Variants in TMPRSS9 observed in about 807,000 individuals in gnomAD.
The protein encoded by TMPRSS9 is transmembrane protease serine 9.
Under a neutral mutation model 111.4 loss-of-function variants are expected in TMPRSS9, and 113 were observed. The ratio of observed to expected loss-of-function variants is 1.01; its 90% CI spans 0.87 to 1.19. The LOEUF is 1.19. Among genes scored for constraint, TMPRSS9 ranks in the 50% most tolerant of loss-of-function variants. TMPRSS9 has a pLI of 0.00. For synonymous variants in TMPRSS9, 805 were observed against 659.1 expected, an observed-to-expected ratio of 1.22 and a Z score of -3.39; for missense variants, 1,803 against 1,513.1, an observed-to-expected ratio of 1.19 and a Z score of -3.18.
At position 2,371,312 on chromosome 19, in the gene TMPRSS9, C is replaced by T. The variant is rs1029781961; in HGVS notation, c.-26+10952C>T. Among the ~76,000 whole-genome samples, 3 of 152,258 alleles carry T rather than the reference C, an allele frequency of 2.0e-5. No individual in the cohort carries two copies. The East Asian group carries it at 5.8e-4, about 29-fold the overall frequency. Reference sequence around the variant, plus strand: ...TCCTTGCCTAGTCCCTCCTTGGGGGCCCCCACACGGCTCCAGATGGTTCCT... The same window carrying T: ...TCCTTGCCTAGTCCCTCCTTGGGGGTCCCCACACGGCTCCAGATGGTTCCT... On this transcript the variant is annotated intron_variant, in intron 1 of 17. Coordinates refer to the TMPRSS9 transcript ENST00000649857.
At chr19:2,424,316 C>T in intron 15 of TMPRSS9, 59 bp downstream of exon 16, 1 of 1,290,484 alleles carries the variant, frequency 7.7e-7, no homozygotes, top group Non-Finnish European at 9.9e-7. Context: ...CGGAACCGAA[C>T]TGTTGCCCGA....
chr19:2,409,203 C>T (rs1971045462), intron 8 of TMPRSS9, among the ~76,000 whole-genome samples: 1 of 143,614 alleles, frequency 7.0e-6, no homozygotes, highest in African/African-American at 2.6e-5. Context: ...TGCAGTGGTG[C>T]GATCTCTGCT....
chr19:2,402,108 C>T (rs979983366), intron 5 of TMPRSS9, 92 bp downstream of exon 6: 34 of 1,300,748 alleles, frequency 2.6e-5, no homozygotes, highest in East Asian at 6.1e-5. Context: ...ATCCCTGGAA[C>T]GAGGCTGGGC....
At chr19:2,421,362 C>G (rs915718309) in intron 13 of TMPRSS9, among the ~76,000 whole-genome samples, 1 of 151,232 alleles carries the variant, frequency 6.6e-6, no homozygotes, top group East Asian at 2.0e-4. Context: ...GATCTCAGCT[C>G]ACTGCAAGCT....
Position 2,415,302 on chromosome 19 carries a change from G to A in TMPRSS9, c.1574-368G>A, listed in dbSNP as rs149673533. 2.8e-3 allele frequency among the ~76,000 whole-genome samples: 422 copies of A among 152,016 alleles called. 1 individual carries two copies. Among genetic ancestry groups the A allele is most frequent in the African/African-American group, 9.6e-3 (398 of 41,458 alleles). Reference sequence around the variant, plus strand: ...TCTGTTCCGAAACCCCCTAACAATCGTACCCTTCCTTTTCTCAGCCGCCCC... The same window carrying A: ...TCTGTTCCGAAACCCCCTAACAATCATACCCTTCCTTTTCTCAGCCGCCCC... On this transcript the variant is annotated intron_variant, in intron 10 of 17. Coordinates refer to ENST00000648592, the Ensembl canonical transcript of TMPRSS9.
At chr19:2,399,578 AAAAC>A (rs146554094) in intron 4 of TMPRSS9, among the ~76,000 whole-genome samples, 28,032 of 152,002 alleles carry the variant, frequency 0.18, 3,182 homozygotes, top group Admixed American at 0.32. Flanking sequence ...CTTCGTTTCA[AAAAC>A]AAACAAACAA....
intron 13 of TMPRSS9, among the ~76,000 whole-genome samples, chr19:2,421,116 G>A (rs952452025): frequency 4.6e-5 from 7 of 151,644 alleles, no homozygotes; most frequent in Non-Finnish European, 1.0e-4. Context: ...TGAGGCAGGA[G>A]AATCACTTGA....
rs138343458 is a variant in TMPRSS9, at chr19:2,401,839, C to T, written c.515-136C>T. 3.9e-3 allele frequency: 1,805 copies of T among 464,820 alleles called. 9 individuals are homozygous for T. The highest frequency in any genetic ancestry group is 7.0e-3 in the Admixed American group (211 of 30,098). The allele number at this position is 464,820 out of a possible 1,614,324, so 28.8% of individuals were successfully genotyped here. On this transcript the variant is annotated intron_variant, in intron 4 of 17. Coordinates refer to ENST00000648592, the Ensembl canonical transcript of TMPRSS9. ...GCCAGGCTGGTCTGTAACTCCTGAC[C>T]GCAAATGATCCACCCGCCTCAGCCT...
chr19:2,424,005 ATTCGTGGAGAGGCGGCGCCCAGGGGGGCC>A lies in TMPRSS9; in HGVS notation c.2549-74_2549-46del, dbSNP rs1387066942. ...CCTACTCCCTGGGGCTCCCAGGGGG[ATTCGTGGAGAGGCGGCGCCCAGGGGGGCC>A]TTCGTGGAGGAGGTGCCCTGGGTCC... On this transcript the variant is annotated intron_variant, in intron 14 of 17. Coordinates refer to ENST00000648592, the Ensembl canonical transcript of TMPRSS9. The A allele has an allele frequency of 2.6e-5, 32 of 1,231,982 alleles. 1 individual carries two copies. In the South Asian group the frequency reaches 9.2e-4, roughly 35 times the overall value. The allele number at this position is 1,231,982 out of a possible 1,614,324, so 76.3% of individuals were successfully genotyped here. A position where few individuals can be genotyped will look rare whatever the true frequency, so the allele number is the denominator to read the frequency against.
chr19:2,385,574 C>T (rs8112269), upstream of TMPRSS9, among the ~76,000 whole-genome samples: 44 of 151,898 alleles, frequency 2.9e-4, no homozygotes, highest in Admixed American at 9.8e-4. Flanking sequence ...TGATTATAAA[C>T]GGTCAGAGAG....
intron 1 of TMPRSS9, among the ~76,000 whole-genome samples, chr19:2,379,375 T>C (rs1481563807): frequency 6.6e-6 from 1 of 151,768 alleles, no homozygotes; most frequent in African/African-American, 2.4e-5. Flanking sequence ...TTAGTAGAGA[T>C]GGGGTTTCAC....
At position 2,413,681 on chromosome 19, in the gene TMPRSS9, G is replaced by A. The variant is rs778702174; in HGVS notation, c.1255-19G>A. 7 of 1,589,382 alleles carry A rather than the reference G, an allele frequency of 4.4e-6. No homozygotes were observed. In the Admixed American group the frequency reaches 8.4e-5, roughly 19 times the overall value. On this transcript the variant is annotated intron_variant, in intron 9 of 17. Coordinates refer to ENST00000648592, the Ensembl canonical transcript of TMPRSS9. ...TGGCTGCTGCCGACCCATCCTGAGG[G>A]TGTGTGTTGGTTTCCTAGGGTGACT...
At chr19:2,385,921 T>A (rs1051414201), upstream of TMPRSS9, among the ~76,000 whole-genome samples, 5 of 151,976 alleles carry the variant, frequency 3.3e-5, no homozygotes, top group African/African-American at 1.2e-4. Context: ...CAGAGCCAGA[T>A]CTGGTCTGCA....
intron 1 of TMPRSS9, among the ~76,000 whole-genome samples, chr19:2,362,174 GTGTCA>G (rs1355058413): frequency 1.3e-5 from 2 of 152,064 alleles, no homozygotes; most frequent in Non-Finnish European, 2.9e-5. Context: ...GTGTGGTCAT[GTGTCA>G]TGTCATGCGT....
upstream of TMPRSS9, among the ~76,000 whole-genome samples, chr19:2,386,518 C>T (rs185551682): frequency 6.6e-6 from 1 of 150,438 alleles, no homozygotes; most frequent in Non-Finnish European, 1.5e-5. Flanking sequence ...AAAAAAAAAA[C>T]CAAAAAAACA....
chr19:2,396,480 C>T, intron 1 of TMPRSS9, 59 bp from the exon 3 acceptor site: 5 of 1,512,722 alleles, frequency 3.3e-6, no homozygotes, highest in Non-Finnish European at 4.5e-6. Context: ...GGTGGCAGCT[C>T]AGCGGAGCCC....
chr19:2,416,816 G>A lies in TMPRSS9; in HGVS notation c.2017+7G>A, dbSNP rs765244669. The A allele has an allele frequency of 1.5e-5, 24 of 1,599,698 alleles. No homozygotes were observed. Among genetic ancestry groups the A allele is most frequent in the Admixed American group, 5.0e-5 (3 of 59,702 alleles). ...AATACGCAGGAAGGAAATGGTGAGC[G>A]CTGCCCCATCGAGGGGAACGGTGGA... On this transcript the variant is annotated splice_region_variant and intron_variant, in intron 12 of 17. Coordinates refer to ENST00000648592, the Ensembl canonical transcript of TMPRSS9.
At chr19:2,409,342 C>T (rs2145354656) in intron 8 of TMPRSS9, among the ~76,000 whole-genome samples, 1 of 151,956 alleles carries the variant, frequency 6.6e-6, no homozygotes, top group Non-Finnish European at 1.5e-5. Flanking sequence ...CAAAGTTTCA[C>T]CGTGTTGGCC....
intron 1 of TMPRSS9, among the ~76,000 whole-genome samples, chr19:2,393,007 AAC>A (rs1222721984): frequency 2.0e-5 from 3 of 152,120 alleles, no homozygotes; most frequent in Non-Finnish European, 4.4e-5. Context: ...AGGGATTGTA[AAC>A]ACACCAATCA....
Sources: gnomAD v4.1 joint callset for allele counts (sites outside exome capture counted in the v4.1 genomes callset) on GRCh38, gnomAD v4.1.1 for gene constraint, MANE v1.5 for transcripts, NCBI Gene and HGNC (gene_info 2026-07-23, HGNC 2026-07-21) for gene names.